Variants in RYR3 observed in about 807,000 individuals in gnomAD.
RYR3 encodes the protein ryanodine receptor 3.
Under a neutral mutation model 584.3 loss-of-function variants are expected in RYR3, and 207 were observed. The observed-to-expected ratio is 0.35, with a 90% CI of 0.32 to 0.40. The LOEUF (loss-of-function observed/expected upper bound fraction) is 0.40, where lower values mean the gene tolerates loss of function less well. RYR3 is among the 10% of genes least tolerant of loss of function. The probability of loss-of-function intolerance (pLI) is 1.00; values close to 1 mark genes in which losing one functional copy is unlikely to be tolerated. For missense variants in RYR3, 5,616 were observed against 6,089.2 expected (o/e 0.92, Z 2.59); for synonymous variants, 2,416 against 2,248.5 (o/e 1.07, Z -2.11).
chr15:33,487,153 A>T (rs554415732), intron 2 of RYR3, among the ~76,000 whole-genome samples: 21 of 151,658 alleles, frequency 1.4e-4, no homozygotes, highest in Non-Finnish European at 2.8e-4. Flanking sequence ...AGCTGAGATC[A>T]TGCCACTGCA....
intron 1 of RYR3, among the ~76,000 whole-genome samples, chr15:33,316,133 G>A (rs1207914265): frequency 6.6e-6 from 1 of 152,162 alleles, no homozygotes; most frequent in Non-Finnish European, 1.5e-5. Context: ...AAAAAGAAAA[G>A]AGTGGGAGGA....
chr15:33,399,937 G>A (rs115795941), intron 1 of RYR3, among the ~76,000 whole-genome samples: 1,958 of 152,052 alleles, frequency 0.013, 52 homozygotes, highest in African/African-American at 0.043. Context: ...CCACAACAGA[G>A]CACCTCAATG....
chr15:33,794,305 AT>A (rs1567185370), intron 67 of RYR3, among the ~76,000 whole-genome samples: 1 of 100,304 alleles, frequency 1.0e-5, no homozygotes, highest in African/African-American at 3.2e-5. Flanking sequence ...TTATATATAT[AT>A]TTTTATATAT....
intron 19 of RYR3, among the ~76,000 whole-genome samples, chr15:33,623,311 AC>A (rs1566805700): frequency 2.6e-5 from 4 of 152,232 alleles, no homozygotes; most frequent in African/African-American, 9.6e-5. Flanking sequence ...CTCTGATGTT[AC>A]TTAGTCTTTT....
At chr15:33,348,937 C>G (rs1162914092) in intron 1 of RYR3, among the ~76,000 whole-genome samples, 6 of 152,010 alleles carry the variant, frequency 3.9e-5, no homozygotes. Flanking sequence ...TCTCCTCCCC[C>G]CGACACCCTG....
At position 33,788,244 on chromosome 15, in the gene RYR3, G is replaced by T; in HGVS notation, c.9616G>T (p.Ala3206Ser). 1.2e-6 allele frequency: 2 copies of T among 1,613,976 alleles called. No homozygotes were observed. Among genetic ancestry groups the T allele is most frequent in the Non-Finnish European group, 1.7e-6 (2 of 1,179,880 alleles). ...GTATGCACAGCCCATCATCAGCAAA[G>T]CCAGGCCCGACCTGCTGAGAAGCCA... ...AVYAQPIISK[A>S]RPDLLRSHFI... Residue 3206 changes from alanine to serine, a missense_variant, in exon 67 of 104, where the codon GCC becomes TCC. Ala to Ser is a moderately conservative substitution (Grantham distance 99). Transcript: ENST00000634891.
Position 33,385,698 on chromosome 15 carries a change from TC to T in RYR3, c.51+74603del, listed in dbSNP as rs1272148251. On this transcript the variant is annotated intron_variant, in intron 1 of 103. Coordinates refer to ENST00000634891, the MANE Select transcript of RYR3 (RefSeq NM_001036.6). ...GCCCCCTTTTTCTTTTCTTTTTTTT[TC>T]TTTTTCTTTTCTTTTTTTTTTTGAG... is the stretch of plus-strand genomic sequence containing the variant. Among the ~76,000 whole-genome samples the T allele has an allele frequency of 1.1e-4, 10 of 94,930 alleles. No homozygotes were observed. In the South Asian group the frequency reaches 3.7e-3, roughly 36 times the overall value. 62.3% of individuals were successfully genotyped at this position (94,930 alleles called of 152,430 possible). A position where few individuals can be genotyped will look rare whatever the true frequency, so the allele number is the denominator to read the frequency against.
intron 3 of RYR3, among the ~76,000 whole-genome samples, chr15:33,510,559 C>T (rs574328179): frequency 6.6e-6 from 1 of 152,138 alleles, no homozygotes; most frequent in East Asian, 1.9e-4. Context: ...AGGACAGCAA[C>T]CCTAAAGCAC....
chr15:33,466,206 G>C (rs1447582765), intron 1 of RYR3, among the ~76,000 whole-genome samples: 1 of 152,144 alleles, frequency 6.6e-6, no homozygotes, highest in African/African-American at 2.4e-5. Flanking sequence ...AGGTAAAGAA[G>C]AGAACTCTGA....
intron 1 of RYR3, among the ~76,000 whole-genome samples, chr15:33,346,653 A>G (rs778465300): frequency 2.0e-5 from 3 of 152,188 alleles, no homozygotes; most frequent in Non-Finnish European, 4.4e-5. Flanking sequence ...GGCACCTTGT[A>G]GTAATTAGAA....
Position 33,489,304 on chromosome 15 carries a change from T to A in RYR3, c.172-14327T>A, listed in dbSNP as rs142428377. Among the ~76,000 whole-genome samples, 176 of 152,332 alleles carry A rather than the reference T, an allele frequency of 1.2e-3. 3 individuals carry two copies. The highest frequency in any genetic ancestry group is 4.1e-3 in the African/African-American group (169 of 41,586). ...GTTTGTTGTACAGAGTATTTCATCA[T>A]CCAGGTATTAAGCCCAGTGCCCAGT... On this transcript the variant is annotated intron_variant, in intron 2 of 103. Transcript: ENST00000634891.
At chr15:33,341,334 C>T (rs969064436) in intron 1 of RYR3, among the ~76,000 whole-genome samples, 6 of 152,074 alleles carry the variant, frequency 3.9e-5, no homozygotes, top group East Asian at 3.9e-4. Context: ...CCACTGCGCC[C>T]GGTCTGATTC....
intron 27 of RYR3, among the ~76,000 whole-genome samples, chr15:33,640,358 T>C (rs750698294): frequency 6.6e-6 from 1 of 152,196 alleles, no homozygotes; most frequent in Non-Finnish European, 1.5e-5. Context: ...TGTCATCTCC[T>C]GTAACTCTGT....
At chr15:33,836,197 T>TG (rs2078039376) in intron 87 of RYR3, among the ~76,000 whole-genome samples, 4 of 150,348 alleles carry the variant, frequency 2.7e-5, no homozygotes. Flanking sequence ...TCCTTTTTTT[T>TG]GTGAGGGGGG....
At chr15:33,493,047 A>G (rs77876066) in intron 2 of RYR3, among the ~76,000 whole-genome samples, 3,581 of 152,266 alleles carry the variant, frequency 0.024, 64 homozygotes, top group Non-Finnish European at 0.036. Flanking sequence ...GGCAAAGCTC[A>G]TTTGTGTTCT....
At chr15:33,699,645 T>G in intron 40 of RYR3, 59 bp from the exon 41 acceptor site, 2 of 1,550,988 alleles carry the variant, frequency 1.3e-6, no homozygotes, top group Non-Finnish European at 8.8e-7. Context: ...GAGGTCAGAG[T>G]TTTCAGAAAG....
chr15:33,565,821 G>T (rs1211046578), intron 11 of RYR3, among the ~76,000 whole-genome samples: 2 of 152,100 alleles, frequency 1.3e-5, no homozygotes, highest in African/African-American at 4.8e-5. Flanking sequence ...CAAAAAGCTG[G>T]TAGTCCCAAA....
intron 1 of RYR3, among the ~76,000 whole-genome samples, chr15:33,467,294 C>T (rs2048567380): frequency 6.6e-6 from 1 of 152,224 alleles, no homozygotes; most frequent in Non-Finnish European, 1.5e-5. Context: ...CAGTGATTTG[C>T]AGATCTAACT....
intron 1 of RYR3, among the ~76,000 whole-genome samples, chr15:33,397,504 G>A (rs1180896246): frequency 6.6e-6 from 1 of 152,162 alleles, no homozygotes; most frequent in Non-Finnish European, 1.5e-5. Flanking sequence ...ATGGTCAGTG[G>A]TCTCTTTTCA....
Sources: gnomAD v4.1 joint callset for allele counts (sites outside exome capture counted in the v4.1 genomes callset) on GRCh38, gnomAD v4.1.1 for gene constraint, MANE v1.5 for transcripts, NCBI Gene and HGNC (gene_info 2026-07-23, HGNC 2026-07-21) for gene names.